The following KCNAB1 variants were observed in gnomAD, a reference collection of about 807,000 sequenced individuals.
KCNAB1 encodes voltage-gated potassium channel subunit beta-1.
Under a neutral mutation model 64.6 loss-of-function variants are expected in KCNAB1, and 35 were observed. The observed-to-expected ratio is 0.54, with a 90% CI of 0.41 to 0.72. The LOEUF is 0.72. KCNAB1 is among the 30% of genes least tolerant of loss of function. The probability of loss-of-function intolerance (pLI) is 0.00; values close to 1 mark genes in which losing one functional copy is unlikely to be tolerated. For missense variants in KCNAB1, 401 were observed against 512.9 expected, an observed-to-expected ratio of 0.78 and a Z score of 2.11; for synonymous variants, 177 against 183.8, an observed-to-expected ratio of 0.96 and a Z score of 0.30.
At chr3:156,241,730 T>C (rs990781888) in intron 1 of KCNAB1, among the ~76,000 whole-genome samples, 1 of 152,176 alleles carries the variant, frequency 6.6e-6, no homozygotes, top group Non-Finnish European at 1.5e-5. Context: ...TCCTCTGTTT[T>C]TTTAAATTTA....
At chr3:156,313,307 G>C (rs1426121868) in intron 1 of KCNAB1, among the ~76,000 whole-genome samples, 2 of 152,118 alleles carry the variant, frequency 1.3e-5, no homozygotes, top group Non-Finnish European at 2.9e-5. Flanking sequence ...GGCTACTGTG[G>C]TAGGTTGAAT....
intron 1 of KCNAB1, among the ~76,000 whole-genome samples, chr3:156,247,257 A>G (rs910803333): frequency 2.0e-5 from 3 of 152,172 alleles, no homozygotes; most frequent in Non-Finnish European, 4.4e-5. Flanking sequence ...TGAGATAGCA[A>G]TGGAACTATG....
At chr3:156,457,686 T>C (rs570647586) in intron 4 of KCNAB1, among the ~76,000 whole-genome samples, 154 bp downstream of exon 4, 99 of 152,218 alleles carry the variant, frequency 6.5e-4, no homozygotes, top group Non-Finnish European at 1.2e-3. Context: ...ATTACTAGAA[T>C]TGGGGATATT....
chr3:156,498,767 C>T (rs1716180461), intron 8 of KCNAB1, among the ~76,000 whole-genome samples: 1 of 152,234 alleles, frequency 6.6e-6, no homozygotes, highest in Admixed American at 6.5e-5. Context: ...GTTTTCTTTC[C>T]ATGGGTACCA....
At chr3:156,343,211 T>C (rs2108070366) in intron 1 of KCNAB1, among the ~76,000 whole-genome samples, 2 of 152,334 alleles carry the variant, frequency 1.3e-5, no homozygotes, top group Middle Eastern at 6.8e-3. Flanking sequence ...GTTTCTCTAA[T>C]TTTATTATGC....
chr3:156,250,219 C>T (rs1717738973), intron 1 of KCNAB1, among the ~76,000 whole-genome samples: 1 of 152,062 alleles, frequency 6.6e-6, no homozygotes, highest in Non-Finnish European at 1.5e-5. Context: ...ATCCAATGCA[C>T]CAAGGGAGTT....
intron 8 of KCNAB1, among the ~76,000 whole-genome samples, chr3:156,477,769 C>G (rs772828550): frequency 6.6e-6 from 1 of 151,974 alleles, no homozygotes; most frequent in Non-Finnish European, 1.5e-5. Context: ...AGGTACTGAT[C>G]TGGGAAATAA....
chr3:156,346,146 C>T lies in KCNAB1; in HGVS notation c.276-75470C>T, dbSNP rs574251337. On this transcript the variant is annotated intron_variant, in intron 1 of 13. Coordinates refer to ENST00000490337, the MANE Select transcript of KCNAB1 (RefSeq NM_172160.3). ...AAAAATGTAATTAACTATATGAACACGGAAAACTCTTCCATCAGACACCTA... is the reference window on the plus strand; with the variant it reads ...AAAAATGTAATTAACTATATGAACATGGAAAACTCTTCCATCAGACACCTA... 2.2e-4 allele frequency among the ~76,000 whole-genome samples: 33 copies of T among 151,414 alleles called. 2 individuals carry two copies. The South Asian group carries it at 5.5e-3, about 25-fold the overall frequency.
rs552479636 is a variant in KCNAB1 at position 156,253,136 on chromosome 3, T to C, written c.275+132250T>C. On this transcript the variant is annotated intron_variant, in intron 1 of 13. Transcript: ENST00000490337. ...ATCCGTGGGTGTCATGGCATATACA[T>C]AGAAGATACATAAAAGGTAGGTTGC... Among the ~76,000 whole-genome samples the C allele has an allele frequency of 1.1e-4, 17 of 152,342 alleles. No individual in the cohort carries two copies. In the South Asian group the frequency reaches 3.5e-3, roughly 32 times the overall value.
intron 1 of KCNAB1, among the ~76,000 whole-genome samples, chr3:156,145,847 A>T (rs1056276132): frequency 2.6e-5 from 4 of 152,080 alleles, no homozygotes; most frequent in Non-Finnish European, 5.9e-5. Flanking sequence ...TAAGTGGGGG[A>T]GGGATTGAAA....
intron 1 of KCNAB1, among the ~76,000 whole-genome samples, chr3:156,146,237 G>A (rs1477315544): frequency 6.6e-6 from 1 of 152,186 alleles, no homozygotes; most frequent in Non-Finnish European, 1.5e-5. Flanking sequence ...GTGCCAAGTT[G>A]CTGTGTAGAT....
At chr3:156,290,747 C>T (rs770947672) in intron 1 of KCNAB1, among the ~76,000 whole-genome samples, 4 of 152,302 alleles carry the variant, frequency 2.6e-5, no homozygotes, top group Admixed American at 6.5e-5. Flanking sequence ...AGTGCATCCC[C>T]CTCCTGAGTG....
intron 3 of KCNAB1, 199 bp from the exon 4 acceptor site, chr3:156,457,254 C>T (rs967052030): frequency 8.5e-5 from 117 of 1,379,286 alleles, no homozygotes; most frequent in Non-Finnish European, 1.1e-4. Context: ...CCCTCAGTGC[C>T]CTATGTCTGA....
intron 1 of KCNAB1, among the ~76,000 whole-genome samples, chr3:156,190,377 A>C (rs1560128373): frequency 6.6e-6 from 1 of 152,212 alleles, no homozygotes; most frequent in Non-Finnish European, 1.5e-5. Flanking sequence ...TCATTTGTAG[A>C]AGTTGATATG....
chr3:156,413,610 G>A (rs1009467856), intron 1 of KCNAB1, among the ~76,000 whole-genome samples: 5 of 152,192 alleles, frequency 3.3e-5, no homozygotes, highest in East Asian at 1.9e-4. Flanking sequence ...AGGCACTGCC[G>A]CACTATGCTG....
At chr3:156,140,803 T>G (rs1452001872) in intron 1 of KCNAB1, among the ~76,000 whole-genome samples, 1 of 152,198 alleles carries the variant, frequency 6.6e-6, no homozygotes, top group Non-Finnish European at 1.5e-5. Context: ...GCTTTAGGTT[T>G]GAATTGCAAG....
At chr3:156,520,787 C>CTTTG (rs1426502744) in intron 11 of KCNAB1, among the ~76,000 whole-genome samples, 1 of 152,154 alleles carries the variant, frequency 6.6e-6, no homozygotes, top group Admixed American at 6.5e-5. Flanking sequence ...TCATTAGTGA[C>CTTTG]TTTGTTTTTG....
intron 2 of KCNAB1, among the ~76,000 whole-genome samples, chr3:156,439,557 T>C (rs1716850735): frequency 6.6e-6 from 1 of 152,218 alleles, no homozygotes; most frequent in South Asian, 2.1e-4. Context: ...TATCACGAAG[T>C]GTGCACACAG....
intron 1 of KCNAB1, among the ~76,000 whole-genome samples, chr3:156,245,617 C>T (rs1048693784): frequency 1.3e-5 from 2 of 152,084 alleles, no homozygotes; most frequent in Non-Finnish European, 2.9e-5. Context: ...ATATTTGAAA[C>T]ATGGAAAATT....
Sources: gnomAD v4.1 joint callset for allele counts (sites outside exome capture counted in the v4.1 genomes callset) on GRCh38, gnomAD v4.1.1 for gene constraint, MANE v1.5 for transcripts, NCBI Gene and HGNC (gene_info 2026-07-23, HGNC 2026-07-21) for gene names.